The following LINGO2 variants were observed in gnomAD, a reference collection of about 807,000 sequenced individuals.
The protein encoded by LINGO2 is leucine-rich repeat and immunoglobulin-like domain-containing nogo receptor-interacting protein 2.
LINGO2 carries 14 observed loss-of-function variants against 30.6 expected under a neutral mutation model. That is an observed-to-expected ratio of 0.46 (90% CI 0.30 to 0.72). The LOEUF is 0.72. LINGO2 is among the 30% of genes least tolerant of loss of function. The probability of loss-of-function intolerance (pLI) is 0.07; values close to 1 mark genes in which losing one functional copy is unlikely to be tolerated. For missense variants in LINGO2, 729 were observed against 751.7 expected (o/e 0.97, Z 0.35); for synonymous variants, 317 against 288.5 (o/e 1.10, Z -1.00).
the LINGO2 span, among the ~76,000 whole-genome samples, chr9:28,967,945 A>G: frequency 4.6e-5 from 7 of 152,196 alleles, no homozygotes; most frequent in Non-Finnish European, 1.0e-4. Context: ...CCCTAATATT[A>G]AGTAAGTACT....
the LINGO2 span, among the ~76,000 whole-genome samples, chr9:29,137,833 T>C: frequency 6.6e-6 from 1 of 152,124 alleles, no homozygotes; most frequent in Admixed American, 6.6e-5. Context: ...ATATTAGTTA[T>C]ATGATATGAG....
intron 3 of LINGO2, among the ~76,000 whole-genome samples, chr9:28,353,373 A>T (rs1367713968): frequency 6.6e-6 from 1 of 150,810 alleles, no homozygotes; most frequent in African/African-American, 2.4e-5. Flanking sequence ...AAAAGAAGAC[A>T]TTTATGCAGC....
chr9:28,331,646 C>T (rs1436143328), intron 3 of LINGO2, among the ~76,000 whole-genome samples: 12 of 152,058 alleles, frequency 7.9e-5, no homozygotes, highest in Non-Finnish European at 2.9e-5. Context: ...GTTGGGACTA[C>T]AGGCACACGC....
At chr9:28,960,733 G>A in the LINGO2 span, among the ~76,000 whole-genome samples, 1 of 149,010 alleles carries the variant, frequency 6.7e-6, no homozygotes, top group Non-Finnish European at 1.5e-5. Context: ...TTATAAATAG[G>A]TTACAAAAAC....
chr9:28,725,925 G>C, the LINGO2 span, among the ~76,000 whole-genome samples: 1 of 152,054 alleles, frequency 6.6e-6, no homozygotes, highest in African/African-American at 2.4e-5. Flanking sequence ...GGGTTAAAGA[G>C]TTGGATTTTT....
intron 2 of LINGO2, among the ~76,000 whole-genome samples, chr9:28,432,362 T>C (rs1426892584): frequency 6.6e-6 from 1 of 151,700 alleles, no homozygotes; most frequent in African/African-American, 2.4e-5. Flanking sequence ...AACAAATAAT[T>C]TTTCCCAATC....
chr9:28,538,078 C>G (rs1821512420), intron 1 of LINGO2, among the ~76,000 whole-genome samples: 1 of 151,872 alleles, frequency 6.6e-6, no homozygotes, highest in Admixed American at 6.6e-5. Flanking sequence ...GAATTGTATA[C>G]CTAGTTGGGA....
exon 6 of LINGO2, chr9:27,949,456 T>C (rs879175880): frequency 6.2e-7 from 1 of 1,613,910 alleles, no homozygotes; most frequent in Non-Finnish European, 8.5e-7. Flanking sequence ...TTTTTGCAGG[T>C]AAAGTAAAAA....
intron 4 of LINGO2, among the ~76,000 whole-genome samples, chr9:28,188,260 T>A (rs2133750197): frequency 6.8e-6 from 1 of 148,086 alleles, no homozygotes; most frequent in Non-Finnish European, 1.5e-5. Flanking sequence ...TACCTTGGAC[T>A]ACCTGTTTCT....
intron 4 of LINGO2, among the ~76,000 whole-genome samples, chr9:28,196,062 C>T (rs1819999357): frequency 6.6e-6 from 1 of 151,480 alleles, no homozygotes; most frequent in African/African-American, 2.4e-5. Context: ...TCTACTGATG[C>T]AGATAAGTGT....
chr9:28,233,615 T>C (rs1259259395), intron 4 of LINGO2, among the ~76,000 whole-genome samples: 2 of 152,196 alleles, frequency 1.3e-5, no homozygotes, highest in Non-Finnish European at 2.9e-5. Context: ...AGTTGCTGTG[T>C]TAGGGTTTGC....
Position 28,379,754 on chromosome 9 carries a change from T to C in LINGO2, c.-278-6886A>G, listed in dbSNP as rs570629179. Among the ~76,000 whole-genome samples, 13 of 152,208 alleles carry C rather than the reference T, an allele frequency of 8.5e-5. No homozygotes were observed. In the South Asian group the frequency reaches 2.5e-3, roughly 29 times the overall value. ...ATCGAGATGGAGCATTGCTTTTAGT[T>C]GAAGATACCACATTTTATAAGATCC... On this transcript the variant is annotated intron_variant, in intron 2 of 5. Transcript: ENST00000379992.
At chr9:28,011,114 G>C (rs964685501) in intron 5 of LINGO2, among the ~76,000 whole-genome samples, 9 of 152,204 alleles carry the variant, frequency 5.9e-5, no homozygotes, top group Non-Finnish European at 1.0e-4. Context: ...CTGGTCTAGG[G>C]AAAGGGGATG....
At chr9:29,015,423 T>C in the LINGO2 span, among the ~76,000 whole-genome samples, 1 of 152,168 alleles carries the variant, frequency 6.6e-6, no homozygotes, top group Non-Finnish European at 1.5e-5. Context: ...GGCCAGACAA[T>C]AAATGCTTTA....
the LINGO2 span, among the ~76,000 whole-genome samples, chr9:28,895,473 T>G: frequency 3.9e-5 from 6 of 152,134 alleles, no homozygotes; most frequent in African/African-American, 1.4e-4. Flanking sequence ...GTCCACCCTC[T>G]CACTCGTATC....
intron 4 of LINGO2, among the ~76,000 whole-genome samples, chr9:28,019,135 A>T (rs149867573): frequency 1.1e-4 from 16 of 152,188 alleles, no homozygotes; most frequent in Non-Finnish European, 5.9e-5. Context: ...ACAGATGAAG[A>T]TGGGAGGAGG....
intron 4 of LINGO2, among the ~76,000 whole-genome samples, chr9:28,043,796 CAT>C (rs910441460): frequency 1.3e-5 from 2 of 152,154 alleles, no homozygotes; most frequent in African/African-American, 4.8e-5. Flanking sequence ...AATGATTTTG[CAT>C]ATATATCTCC....
chr9:28,600,461 TA>T (rs1273432368), intron 1 of LINGO2, among the ~76,000 whole-genome samples: 1 of 152,128 alleles, frequency 6.6e-6, no homozygotes, highest in Non-Finnish European at 1.5e-5. Flanking sequence ...AATGTGTTTA[TA>T]ATACCAAAAA....
chr9:28,102,071 G>T (rs913634685), intron 4 of LINGO2, among the ~76,000 whole-genome samples: 5 of 151,906 alleles, frequency 3.3e-5, no homozygotes, highest in Admixed American at 2.0e-4. Flanking sequence ...TGAATGCTTT[G>T]TTCGGCTGCC....
Sources: allele counts gnomAD v4.1 joint callset (sites outside exome capture counted in the v4.1 genomes callset), GRCh38; gene constraint gnomAD v4.1.1; transcripts MANE v1.5; gene names NCBI Gene and HGNC (gene_info 2026-07-23, HGNC 2026-07-21).